CCND2: variants seen among roughly 807,000 people sequenced by gnomAD.
The protein encoded by CCND2 is cyclin D2.
Under a neutral mutation model 30.2 loss-of-function variants are expected in CCND2, and 6 were observed. That is an observed-to-expected ratio of 0.20 (90% CI 0.11 to 0.39). CCND2 has a LOEUF of 0.39. Among genes scored for constraint, CCND2 ranks in the 10% least tolerant of loss-of-function variants. The pLI is 1.00. For missense variants in CCND2, 235 were observed against 373.4 expected (o/e 0.63, Z 3.06); for synonymous variants, 150 against 153.1 (o/e 0.98, Z 0.15).
chr12:4,291,207 CTGTG>C (rs1320194012), intron 4 of CCND2, among the ~76,000 whole-genome samples: 8 of 138,714 alleles, frequency 5.8e-5, no homozygotes, highest in African/African-American at 1.1e-4. Flanking sequence ...CTGGGCTAGG[CTGTG>C]TGTGTGTGTG....
chr12:4,294,472 G>A (rs1209277794), intron 4 of CCND2, among the ~76,000 whole-genome samples: 1 of 152,142 alleles, frequency 6.6e-6, no homozygotes, highest in African/African-American at 2.4e-5. Flanking sequence ...TGATGTCCTA[G>A]AGCCGCCACA....
chr12:4,275,891 A>G (rs973025482), intron 1 of CCND2, 114 bp from the exon 2 acceptor site: 16 of 675,458 alleles, frequency 2.4e-5, no homozygotes, highest in Non-Finnish European at 3.9e-5. Flanking sequence ...CCCTCCCACA[A>G]AAAAAAATTA....
At position 4,276,011 on chromosome 12, in the gene CCND2, G is replaced by A. The variant is rs1349838711; in HGVS notation, c.202G>A (p.Glu68Lys). The A allele has an allele frequency of 2.5e-6, 4 of 1,597,288 alleles. No individual in the cohort carries two copies. ...MVATWMLEVCEEQKCEEEVFP... is the reference protein window; with the variant it reads ...MVATWMLEVCKEQKCEEEVFP... ...TTTCCCACTCCCATTATAGGTCTGT[G>A]AGGAACAGAAGTGCGAAGAAGAGGT... Residue 68 changes from glutamate to lysine, a missense_variant, in exon 2 of 5, where the codon GAG (glutamate) becomes AAG (lysine). This residue lies in a region of CCND2 where 178 missense variants were observed against 322.8 expected (regional missense o/e 0.55). Coordinates refer to ENST00000261254, the MANE Select transcript of CCND2 (RefSeq NM_001759.4). This position sits in a 1 kb window ranked among gnomAD's most constrained non-coding sequence, Gnocchi z 4.8.
At chr12:4,292,507 G>A (rs1054468016) in intron 4 of CCND2, among the ~76,000 whole-genome samples, 2 of 152,112 alleles carry the variant, frequency 1.3e-5, no homozygotes, top group Non-Finnish European at 2.9e-5. Context: ...ATGGCCAGGC[G>A]AGTCTCTGTG....
At position 4,288,884 on chromosome 12, in the gene CCND2, G is replaced by C; in HGVS notation, c.614G>C (p.Gly205Ala). Residue 205 changes from glycine (G) to alanine (A), a missense_variant, in exon 4 of 5, where the codon GGA (glycine) becomes GCA (alanine). This residue lies in a region of CCND2 where 178 missense variants were observed against 322.8 expected (regional missense o/e 0.55). Transcript: ENST00000261254. ...AMYPPSMIAT[G>A]SVGAAICGLQ... Reference sequence around the variant, plus strand: ...TACCCACCGTCGATGATCGCAACTGGAAGTGTGGGAGCAGCCATCTGTGGG... The same window carrying C: ...TACCCACCGTCGATGATCGCAACTGCAAGTGTGGGAGCAGCCATCTGTGGG... 1 of 1,613,776 alleles carries C rather than the reference G, an allele frequency of 6.2e-7. No homozygotes were observed. Among genetic ancestry groups the C allele is most frequent in the Non-Finnish European group, 8.5e-7 (1 of 1,179,900 alleles).
chr12:4,297,026 C>T (rs972123808), intron 4 of CCND2, among the ~76,000 whole-genome samples: 2 of 152,102 alleles, frequency 1.3e-5, no homozygotes, highest in African/African-American at 4.8e-5. Flanking sequence ...TGAACTCCTT[C>T]ACACGGTGCT....
intron 3 of CCND2, 45 bp downstream of exon 3, chr12:4,278,964 T>C (rs1213577963): frequency 6.3e-7 from 1 of 1,578,052 alleles, no homozygotes; most frequent in Admixed American, 1.7e-5. Context: ...GGAGCTCTTT[T>C]GGGAGATGTC....
chr12:4,303,930 G>T lies in CCND2; in HGVS notation c.*3921G>T, dbSNP rs1483521523. The T allele has an allele frequency of 4.3e-6, 1 of 233,424 alleles. No individual in the cohort carries two copies. The highest frequency in any genetic ancestry group is 8.5e-6 in the Non-Finnish European group (1 of 118,164). The allele number at this position is 233,424 out of a possible 1,614,324, so 14.5% of individuals were successfully genotyped here. A position where few individuals can be genotyped will look rare whatever the true frequency, so the allele number is the denominator to read the frequency against. The stretch of plus-strand genomic sequence containing the variant: ...TGGCTTAAGTGACAAAGCCAGAGGA[G>T]AAGACAACCCTGACAGCATCACGCT... On this transcript the variant is annotated 3_prime_UTR_variant, in exon 5 of 5. Coordinates refer to ENST00000261254, the MANE Select transcript of CCND2 (RefSeq NM_001759.4). This position sits in a 1 kb window ranked among gnomAD's most constrained non-coding sequence, Gnocchi z 4.6.
In CCND2 at chr12:4,285,202, A is replaced by G; in HGVS notation, c.572-3640A>G. On this transcript the variant is annotated intron_variant, in intron 3 of 4. Coordinates refer to ENST00000261254, the MANE Select transcript of CCND2 (RefSeq NM_001759.4). This position sits in a 1 kb window ranked among gnomAD's most constrained non-coding sequence, Gnocchi z 4.1. The stretch of plus-strand genomic sequence containing the variant: ...GGGAGTCCTCCATGCTGCCTGGAAC[A>G]GGGAGGAGCACATTGTCATGAGTCG... 2.6e-6 allele frequency: 2 copies of G among 762,556 alleles called. No homozygotes were observed. The highest frequency in any genetic ancestry group is 3.2e-6 in the Non-Finnish European group (2 of 626,642). 47.2% of individuals were successfully genotyped at this position (762,556 alleles called of 1,614,324 possible).
chr12:4,297,737 A>G, intron 4 of CCND2: 1 of 317,910 alleles, frequency 3.1e-6, no homozygotes, highest in Non-Finnish European at 6.7e-6. Context: ...GCCCCATGTG[A>G]TTTATCGTCA....
chr12:4,279,065 A>G (rs1052280207), intron 3 of CCND2, 146 bp downstream of exon 3: 40 of 705,088 alleles, frequency 5.7e-5, no homozygotes, highest in South Asian at 2.3e-4. Context: ...CTGAAGTTTC[A>G]TTCCTGGGTT....
chr12:4,300,177 A>G lies in CCND2; in HGVS notation c.*168A>G, dbSNP rs1864229595. 1.5e-6 allele frequency: 1 copy of G among 647,998 alleles called. No homozygotes were observed. Among genetic ancestry groups the G allele is most frequent in the Non-Finnish European group, 2.5e-6 (1 of 395,008 alleles). The allele number at this position is 647,998 out of a possible 1,614,324, so 40.1% of individuals were successfully genotyped here. A position where few individuals can be genotyped will look rare whatever the true frequency, so the allele number is the denominator to read the frequency against. On this transcript the variant is annotated 3_prime_UTR_variant, in exon 5 of 5. Transcript: ENST00000261254. ...GAAGTGAGAGAAAAAGGTCCTACGA[A>G]AACGGAATAATAAAAAGCATTTGGT... is the stretch of plus-strand genomic sequence containing the variant.
chr12:4,299,924 G>A lies in CCND2; in HGVS notation c.785G>A (p.Arg262His), dbSNP rs142170178. ...AVLLNSLQQYRQDQRDGSKSE... is the reference protein window; with the variant it reads ...AVLLNSLQQYHQDQRDGSKSE... ...CTCCTCAATAGCCTGCAGCAGTACC[G>A]TCAGGACCAACGTGACGGATCCAAG... Residue 262 changes from arginine to histidine, a missense_variant, in exon 5 of 5, where the codon CGT becomes CAT. Transcript: ENST00000261254. This position sits in a 1 kb window ranked among gnomAD's most constrained non-coding sequence, Gnocchi z 5.2. The A allele has an allele frequency of 6.8e-4, 1,097 of 1,614,118 alleles. 6 individuals are homozygous for A. The highest frequency in any genetic ancestry group is 5.9e-4 in the African/African-American group (44 of 75,020).
Position 4,287,665 on chromosome 12 carries a change from C to T in CCND2, c.572-1177C>T, listed in dbSNP as rs1408831926. On this transcript the variant is annotated intron_variant, in intron 3 of 4. Coordinates refer to ENST00000261254, the MANE Select transcript of CCND2 (RefSeq NM_001759.4). The surrounding 1 kb of genome is among the most constrained non-coding windows in gnomAD (Gnocchi z 4.0). ...TCTCAAAAGTCTCAGGGTTCTCACC[C>T]ATACCATTAGGGTGACGCTCGTGTG... Among the ~76,000 whole-genome samples, 1 of 152,204 alleles carries T rather than the reference C, an allele frequency of 6.6e-6. No homozygotes were observed. The highest frequency in any genetic ancestry group is 1.5e-5 in the Non-Finnish European group (1 of 68,034).
chr12:4,273,884 T>G lies in CCND2; in HGVS notation c.-157T>G, dbSNP rs1170392745. 7.1e-6 allele frequency: 5 copies of G among 703,424 alleles called. No individual in the cohort carries two copies. Among genetic ancestry groups the G allele is most frequent in the Non-Finnish European group, 1.2e-5 (5 of 429,588 alleles). The allele number at this position is 703,424 out of a possible 1,614,324, so 43.6% of individuals were successfully genotyped here. Reference sequence around the variant, plus strand: ...ATCCTCGCCTCCCTTCTGCTCCACCTTCTCTCTCTGCCCTCACCTCTCCCC... The same window carrying G: ...ATCCTCGCCTCCCTTCTGCTCCACCGTCTCTCTCTGCCCTCACCTCTCCCC... On this transcript the variant is annotated 5_prime_UTR_variant, in exon 1 of 5. Coordinates refer to ENST00000261254, the MANE Select transcript of CCND2 (RefSeq NM_001759.4). This position sits in a 1 kb window ranked among gnomAD's most constrained non-coding sequence, Gnocchi z 5.9.
chr12:4,286,386 C>A (rs937951256), intron 3 of CCND2, among the ~76,000 whole-genome samples: 1 of 152,224 alleles, frequency 6.6e-6, no homozygotes, highest in Non-Finnish European at 1.5e-5. Flanking sequence ...CACAGTCCCA[C>A]GTCTGGACCT....
chr12:4,286,923 G>A (rs1454392351), intron 3 of CCND2, among the ~76,000 whole-genome samples: 4 of 152,248 alleles, frequency 2.6e-5, no homozygotes, highest in African/African-American at 4.8e-5. Flanking sequence ...CCGGGCCTTT[G>A]TGGGCCCAGG....
At position 4,285,247 on chromosome 12, in the gene CCND2, C is replaced by T. The variant is rs762930165; in HGVS notation, c.572-3595C>T. ...GAGTCGATCAGAATGGATCGCTGAT[C>T]GGTTCATTGCCTCTCTCTCTGCTGC... On this transcript the variant is annotated intron_variant, in intron 3 of 4. Coordinates refer to ENST00000261254, the MANE Select transcript of CCND2 (RefSeq NM_001759.4). The surrounding 1 kb of genome is among the most constrained non-coding windows in gnomAD (Gnocchi z 4.1). 1.0e-6 allele frequency: 1 copy of T among 978,318 alleles called. No homozygotes were observed. The highest frequency in any genetic ancestry group is 1.2e-6 in the Non-Finnish European group (1 of 823,480). The allele number at this position is 978,318 out of a possible 1,614,324, so 60.6% of individuals were successfully genotyped here.
rs931434090 is a variant in CCND2 at position 4,293,775 on chromosome 12, C to G, written c.720+4785C>G. 2.6e-5 allele frequency among the ~76,000 whole-genome samples: 4 copies of G among 152,250 alleles called. No individual in the cohort carries two copies. In the South Asian group the frequency reaches 8.3e-4, roughly 32 times the overall value. ...CTCCGTAGCTGGAAGTGCCGCCACC[C>G]TCGCCCCACATGTCATTTTCAAGCC... On this transcript the variant is annotated intron_variant, in intron 4 of 4. Transcript: ENST00000261254. The surrounding 1 kb of genome is among the most constrained non-coding windows in gnomAD (Gnocchi z 4.9).
Sources: allele counts gnomAD v4.1 joint callset (sites outside exome capture counted in the v4.1 genomes callset), GRCh38; gene constraint gnomAD v4.1.1; regional missense constraint gnomAD v4.1.1; non-coding constraint Gnocchi (gnomAD v3.1); transcripts MANE v1.5; gene names NCBI Gene and HGNC (gene_info 2026-07-23, HGNC 2026-07-21).